Variants in SMURF1 observed in about 807,000 individuals in gnomAD.
The protein encoded by SMURF1 is SMAD specific E3 ubiquitin protein ligase 1, also known as E3 ubiquitin-protein ligase SMURF1.
A neutral mutation model predicts 98.0 loss-of-function variants in SMURF1; 44 were observed. That is an observed-to-expected ratio of 0.45 (90% CI 0.35 to 0.58). The LOEUF (loss-of-function observed/expected upper bound fraction) is 0.58, where lower values mean the gene tolerates loss of function less well. SMURF1 is among the 20% of genes least tolerant of loss of function. The pLI, the probability that SMURF1 is intolerant of heterozygous loss-of-function variation, is 0.00. For synonymous variants in SMURF1, 396 were observed against 374.9 expected, an observed-to-expected ratio of 1.06 and a Z score of -0.65; for missense variants, 687 against 938.4, an observed-to-expected ratio of 0.73 and a Z score of 3.50.
chr7:99,133,434 TA>T (rs369352831), intron 1 of SMURF1, among the ~76,000 whole-genome samples: 12 of 151,176 alleles, frequency 7.9e-5, no homozygotes, highest in African/African-American at 2.9e-4. Flanking sequence ...AGGTATAGAT[TA>T]GAGAAAAAAG....
At chr7:99,120,427 G>T (rs1797583422) in intron 1 of SMURF1, among the ~76,000 whole-genome samples, 1 of 152,020 alleles carries the variant, frequency 6.6e-6, no homozygotes, top group African/African-American at 2.4e-5. Context: ...CCTAAACAAA[G>T]CAACTTGTTT....
chr7:99,042,049 A>G, intron 12 of SMURF1, 69 bp downstream of exon 12: 1 of 1,247,688 alleles, frequency 8.0e-7, no homozygotes, highest in Non-Finnish European at 1.2e-6. Context: ...AGGACTGAGA[A>G]TGAAACTGAA....
At chr7:99,122,116 G>A (rs1797643202) in intron 1 of SMURF1, among the ~76,000 whole-genome samples, 1 of 151,930 alleles carries the variant, frequency 6.6e-6, no homozygotes, top group East Asian at 2.0e-4. Context: ...ATCATCTGAG[G>A]TCAAGAGTTC....
intron 1 of SMURF1, among the ~76,000 whole-genome samples, chr7:99,119,003 ATTTTTTTTTTTTTTTTTTTTTTTTTTTTT>A (rs67705340): frequency 4.7e-5 from 2 of 42,930 alleles, no homozygotes; most frequent in South Asian, 1.3e-3. Flanking sequence ...TAACATGCCA[ATTTTTTTTTTTTTTTTTTTTTTTTTTTTT>A]TTTTTTTTTT....
At chr7:99,063,241 T>TTATA (rs1178325637) in intron 1 of SMURF1, among the ~76,000 whole-genome samples, 2 of 34,910 alleles carry the variant, frequency 5.7e-5, no homozygotes, top group African/African-American at 1.2e-4. Flanking sequence ...TAAGATTTAT[T>TTATA]TATATATATA....
Position 99,057,563 on chromosome 7 carries a change from G to T in SMURF1, c.204-12C>A. ...TTTTCCCAACATATCTGGAAAGAAAGTGCAAAACTCATTTTTAATTGTGTT... is the reference window on the plus strand; with the variant it reads ...TTTTCCCAACATATCTGGAAAGAAATTGCAAAACTCATTTTTAATTGTGTT... On this transcript the variant is annotated splice_polypyrimidine_tract_variant and intron_variant, in intron 3 of 17. Coordinates refer to ENST00000361368, the MANE Select transcript of SMURF1 (RefSeq NM_181349.3). The T allele has an allele frequency of 6.6e-7, 1 of 1,517,008 alleles. No homozygotes were observed. Among genetic ancestry groups the T allele is most frequent in the Non-Finnish European group, 8.8e-7 (1 of 1,139,254 alleles). The allele number at this position is 1,517,008 out of a possible 1,614,324, so 94.0% of individuals were successfully genotyped here. A position where few individuals can be genotyped will look rare whatever the true frequency, so the allele number is the denominator to read the frequency against.
chr7:99,061,008 C>G (rs1258329238), intron 2 of SMURF1, among the ~76,000 whole-genome samples: 1 of 151,950 alleles, frequency 6.6e-6, no homozygotes, highest in South Asian at 2.1e-4. Flanking sequence ...TAATAATGCC[C>G]CGAAATTTGT....
intron 1 of SMURF1, among the ~76,000 whole-genome samples, chr7:99,142,815 G>A (rs956730277): frequency 1.3e-5 from 2 of 150,878 alleles, no homozygotes; most frequent in African/African-American, 4.9e-5. Context: ...GAAAGCAAGA[G>A]AGATGATGGG....
At position 99,030,560 on chromosome 7, in the gene SMURF1, G is replaced by GA. The variant is rs765582822; in HGVS notation, c.*23dup. The GA allele has an allele frequency of 1.5e-5, 24 of 1,606,898 alleles. No homozygotes were observed. The highest frequency in any genetic ancestry group is 2.0e-5 in the Non-Finnish European group (24 of 1,173,580). ...CTTTTGGTCTGGTGGCCATGAGCTAGACTCTGTTGCCTTTGGTTGCTTTTC... is the reference window on the plus strand; with the variant it reads ...CTTTTGGTCTGGTGGCCATGAGCTAGAACTCTGTTGCCTTTGGTTGCTTTTC... On this transcript the variant is annotated 3_prime_UTR_variant, in exon 18 of 18. Coordinates refer to ENST00000361368, the MANE Select transcript of SMURF1 (RefSeq NM_181349.3).
At chr7:99,119,003 ATTTTTTTTTTTTTTTTTTTTTTT>A (rs67705340) in intron 1 of SMURF1, among the ~76,000 whole-genome samples, 25 of 42,934 alleles carry the variant, frequency 5.8e-4, no homozygotes, top group East Asian at 3.9e-3. Flanking sequence ...TAACATGCCA[ATTTTTTTTTTTTTTTTTTTTTTT>A]TTTTTTTTTT....
At chr7:99,038,197 G>T (rs1377097170) in intron 14 of SMURF1, among the ~76,000 whole-genome samples, 191 bp downstream of exon 14, 1 of 152,146 alleles carries the variant, frequency 6.6e-6, no homozygotes, top group Non-Finnish European at 1.5e-5. Flanking sequence ...CCCCATCAGG[G>T]CCCCTCCAAG....
At position 99,047,792 on chromosome 7, in the gene SMURF1, G is replaced by C; in HGVS notation, c.1044C>G (p.Tyr348Ter). The part of the protein sequence containing the change: ...LEDEELPAQR[Y>*]ERDLVQKLKV... ...TCAGCTTCTGGACTAGATCTCTTTC[G>C]TATCTCTGGGCAGGAAGCTCCTCGT... The change falls in exon 10 of 18, where the codon TAC becomes TAG. Residue 348 changes from tyrosine to a stop codon, truncating the protein, a stop_gained. Transcript: ENST00000361368. LOFTEE classifies it high-confidence loss of function. 1 of 1,614,178 alleles carries C rather than the reference G, an allele frequency of 6.2e-7. No individual in the cohort carries two copies. The highest frequency in any genetic ancestry group is 8.5e-7 in the Non-Finnish European group (1 of 1,180,046).
intron 1 of SMURF1, among the ~76,000 whole-genome samples, chr7:99,063,215 G>GAT (rs551640781): frequency 0.018 from 1,676 of 93,754 alleles, 119 homozygotes; most frequent in African/African-American, 0.069. Flanking sequence ...ATATAGTCAA[G>GAT]ATATATATAT....
intron 1 of SMURF1, among the ~76,000 whole-genome samples, chr7:99,080,863 A>G (rs73147603): frequency 0.031 from 4,662 of 152,202 alleles, 108 homozygotes; most frequent in South Asian, 0.058. Context: ...GCTCCCTGCA[A>G]GGGATCACAT....
intron 1 of SMURF1, among the ~76,000 whole-genome samples, chr7:99,083,702 T>C (rs913410938): frequency 6.6e-6 from 1 of 152,242 alleles, no homozygotes; most frequent in Non-Finnish European, 1.5e-5. Context: ...CTCGACTGCC[T>C]ACAAACTGCA....
At chr7:99,052,469 G>A in intron 6 of SMURF1, 23 bp from the exon 7 acceptor site, 7 of 1,504,886 alleles carry the variant, frequency 4.7e-6, no homozygotes, top group Non-Finnish European at 4.5e-6. Flanking sequence ...AGAGCAGGCA[G>A]GCATGGTGTC....
At chr7:99,134,819 A>T (rs182056893) in intron 1 of SMURF1, among the ~76,000 whole-genome samples, 35 of 152,256 alleles carry the variant, frequency 2.3e-4, no homozygotes, top group Admixed American at 8.5e-4. Context: ...CAGAACCAAG[A>T]CCTCAGTTTT....
intron 1 of SMURF1, among the ~76,000 whole-genome samples, chr7:99,137,668 C>T (rs1798023987): frequency 6.6e-6 from 1 of 152,226 alleles, no homozygotes; most frequent in Non-Finnish European, 1.5e-5. Context: ...TGCCGACATT[C>T]CTCAGCCAAT....
intron 1 of SMURF1, among the ~76,000 whole-genome samples, chr7:99,118,842 C>G (rs1797521989): frequency 6.6e-6 from 1 of 151,810 alleles, no homozygotes; most frequent in Admixed American, 6.6e-5. Flanking sequence ...ATGGGAGGAT[C>G]TCTAAGATAG....
Sources: allele counts gnomAD v4.1 joint callset (sites outside exome capture counted in the v4.1 genomes callset), GRCh38; gene constraint gnomAD v4.1.1; transcripts MANE v1.5; gene names NCBI Gene and HGNC (gene_info 2026-07-23, HGNC 2026-07-21).